The following ASNS variants were observed in gnomAD, a reference collection of about 807,000 sequenced individuals.
ASNS encodes the protein asparagine synthetase (glutamine-hydrolyzing).
ASNS carries 37 observed loss-of-function variants against 62.6 expected under a neutral mutation model. That is an observed-to-expected ratio of 0.59 (90% CI 0.45 to 0.78). ASNS has a LOEUF of 0.78. ASNS is among the 30% of genes least tolerant of loss of function. The pLI is 0.00. For synonymous variants in ASNS, 207 were observed against 237.9 expected (o/e 0.87, Z 1.19); for missense variants, 520 against 682.4 (o/e 0.76, Z 2.65).
the ASNS span, among the ~76,000 whole-genome samples, chr7:97,922,397 T>C: frequency 7.9e-5 from 12 of 151,032 alleles, no homozygotes; most frequent in African/African-American, 2.7e-4. Context: ...AAGAAAAAAG[T>C]TGAATTCACA....
intron 12 of ASNS, among the ~76,000 whole-genome samples, chr7:97,852,698 TCA>T (rs1425610613): frequency 6.6e-6 from 1 of 152,186 alleles, no homozygotes; most frequent in Non-Finnish European, 1.5e-5. Context: ...TCTGTTTTAG[TCA>T]TTTGTGCCTA....
At chr7:97,882,484 G>A in the ASNS span, among the ~76,000 whole-genome samples, 54 of 151,926 alleles carry the variant, frequency 3.6e-4, no homozygotes, top group African/African-American at 1.2e-3. Context: ...GGAGTCAGAG[G>A]TTGCAGTGAG....
chr7:97,912,221 T>C, the ASNS span, among the ~76,000 whole-genome samples: 1 of 152,220 alleles, frequency 6.6e-6, no homozygotes, highest in Non-Finnish European at 1.5e-5. Context: ...TCTAGAGATA[T>C]TTCCACTTGC....
At chr7:97,925,623 A>G in the ASNS span, among the ~76,000 whole-genome samples, 1 of 152,222 alleles carries the variant, frequency 6.6e-6, no homozygotes, top group African/African-American at 2.4e-5. Context: ...CTCCTCAGCA[A>G]GAAGGGAAAA....
At chr7:97,904,908 A>ATTT in the ASNS span, among the ~76,000 whole-genome samples, 3 of 152,160 alleles carry the variant, frequency 2.0e-5, no homozygotes, top group Non-Finnish European at 4.4e-5. Context: ...TGGTCCAAAG[A>ATTT]ACACCATTTG....
chr7:97,907,442 G>A, the ASNS span, among the ~76,000 whole-genome samples: 36 of 152,202 alleles, frequency 2.4e-4, no homozygotes, highest in Middle Eastern at 3.4e-3. Flanking sequence ...AAGACAAGCC[G>A]GAAGAGGCCA....
chr7:97,867,853 G>A (rs1456634796), intron 3 of ASNS, among the ~76,000 whole-genome samples: 3 of 152,156 alleles, frequency 2.0e-5, no homozygotes, highest in East Asian at 1.9e-4. Context: ...GTCTTCCTAT[G>A]AGCAGGCAAC....
intron 4 of ASNS, 149 bp downstream of exon 4, chr7:97,864,110 C>T (rs183781267): frequency 3.2e-5 from 21 of 660,564 alleles, no homozygotes; most frequent in South Asian, 2.3e-4. Context: ...GAGAGTACAA[C>T]TCCTCTGTTT....
the ASNS span, among the ~76,000 whole-genome samples, chr7:97,927,903 G>T: frequency 6.6e-6 from 1 of 152,286 alleles, no homozygotes; most frequent in African/African-American, 2.4e-5. Flanking sequence ...GGGCAGGGGG[G>T]CTCTGATGCA....
Position 97,858,314 on chromosome 7 carries a change from G to T in ASNS, c.867C>A (p.Gly289=), listed in dbSNP as rs376598368. ...VQYPLQTFAI[G]MEDSPDLLAA... The stretch of plus-strand genomic sequence containing the variant: ...CCAGTAAATCGGGGCTGTCTTCCAT[G>T]CCAATTGCAAATGTCTGGAGAGGAT... The change falls in exon 7 of 13, where the codon GGC becomes GGA. Residue 289 remains glycine, a synonymous_variant. Coordinates refer to ENST00000394308, the MANE Select transcript of ASNS (RefSeq NM_001673.5). 6.2e-7 allele frequency: 1 copy of T among 1,613,598 alleles called. No individual in the cohort carries two copies. Among genetic ancestry groups the T allele is most frequent in the African/African-American group, 1.3e-5 (1 of 74,896 alleles).
At chr7:97,927,225 C>T in the ASNS span, among the ~76,000 whole-genome samples, 411 of 152,194 alleles carry the variant, frequency 2.7e-3, no homozygotes, top group Non-Finnish European at 4.8e-3. Flanking sequence ...CGGCCAAGAA[C>T]CTTGTCTCTT....
the ASNS span, among the ~76,000 whole-genome samples, chr7:97,910,110 G>A: frequency 6.6e-6 from 1 of 152,178 alleles, no homozygotes; most frequent in African/African-American, 2.4e-5. Flanking sequence ...TAGCACCAAA[G>A]ACTAGTTCCC....
the ASNS span, among the ~76,000 whole-genome samples, chr7:97,888,314 G>A: frequency 6.8e-4 from 102 of 151,016 alleles, no homozygotes; most frequent in Non-Finnish European, 1.3e-3. Flanking sequence ...TATTCTGACA[G>A]TGGGTTGCTT....
Position 97,852,331 on chromosome 7 carries a change from C to T in ASNS, c.1614G>A (p.Met538Ile), listed in dbSNP as rs767700335. 5.0e-6 allele frequency: 8 copies of T among 1,614,036 alleles called. No individual in the cohort carries two copies. Among genetic ancestry groups the T allele is most frequent in the Non-Finnish European group, 4.2e-6 (5 of 1,180,032 alleles). ...GGTCAGTGGCATTGATCCACTTGGG[C>T]ATCCAGTAATGGCTCAGCCAGTCAG... ...GRADWLSHYW[M>I]PKWINATDPS... The change falls in exon 13 of 13, where the codon ATG becomes ATA. Residue 538 changes from methionine to isoleucine, a missense_variant. Met to Ile is a conservative substitution (Grantham distance 10). Transcript: ENST00000394308.
In ASNS at chr7:97,852,540, C is replaced by T. The variant is rs937937578; in HGVS notation, c.1477-72G>A. On this transcript the variant is annotated intron_variant, in intron 12 of 12. Transcript: ENST00000394308. The stretch of plus-strand genomic sequence containing the variant: ...AATACTTGTGTTTAGTCTCATTTCA[C>T]GAAACAGAAAATGTTAAGACGTGAC... 2.0e-5 allele frequency: 28 copies of T among 1,429,740 alleles called. No individual in the cohort carries two copies. In the East Asian group the frequency reaches 2.5e-4, roughly 13 times the overall value. 88.6% of individuals were successfully genotyped at this position (1,429,740 alleles called of 1,614,324 possible).
intron 8 of ASNS, among the ~76,000 whole-genome samples, chr7:97,856,300 T>C (rs1184951087): frequency 6.6e-6 from 1 of 152,210 alleles, no homozygotes; most frequent in Non-Finnish European, 1.5e-5. Context: ...GACTGGTAAG[T>C]TGTGTGATGG....
Position 97,852,455 on chromosome 7 carries a change from A to G in ASNS, c.1490T>C (p.Met497Thr), listed in dbSNP as rs376090391. The G allele has an allele frequency of 2.1e-5, 34 of 1,614,054 alleles. No homozygotes were observed. The highest frequency in any genetic ancestry group is 2.1e-5 in the Non-Finnish European group (25 of 1,180,020). The change falls in exon 13 of 13, where the codon ATG becomes ACG. Residue 497 changes from methionine to threonine, a missense_variant. Coordinates refer to ENST00000394308, the MANE Select transcript of ASNS (RefSeq NM_001673.5). ...EYVEHQVDDA[M>T]MANAAQKFPF... is the part of the protein sequence containing the mutation. ...AAATTTCTGGGCTGCATTTGCCATC[A>G]TTGCATCATCAACCTGTAAGAATAA... is the stretch of plus-strand genomic sequence containing the variant.
chr7:97,911,221 A>G, the ASNS span, among the ~76,000 whole-genome samples: 1 of 152,102 alleles, frequency 6.6e-6, no homozygotes, highest in Non-Finnish European at 1.5e-5. Flanking sequence ...CTTCAGAAAA[A>G]CAAATGGAGT....
At chr7:97,894,106 A>C in the ASNS span, among the ~76,000 whole-genome samples, 1 of 152,212 alleles carries the variant, frequency 6.6e-6, no homozygotes. Flanking sequence ...TGGACATTAA[A>C]CATGCTATTG....
Sources: gnomAD v4.1 joint callset for allele counts (sites outside exome capture counted in the v4.1 genomes callset) on GRCh38, gnomAD v4.1.1 for gene constraint, MANE v1.5 for transcripts, NCBI Gene and HGNC (gene_info 2026-07-23, HGNC 2026-07-21) for gene names.